FGD3: variants seen among roughly 807,000 people sequenced by gnomAD.
FGD3 encodes the protein FYVE, RhoGEF and PH domain containing 3.
Under a neutral mutation model 71.8 loss-of-function variants are expected in FGD3, and 45 were observed. The observed-to-expected ratio is 0.63, with a 90% CI of 0.49 to 0.80. FGD3 has a LOEUF of 0.80. FGD3 is among the 30% of genes least tolerant of loss of function. The probability of loss-of-function intolerance (pLI) is 0.00; values close to 1 mark genes in which losing one functional copy is unlikely to be tolerated. For synonymous variants in FGD3, 378 were observed against 392.8 expected (o/e 0.96, Z 0.44); for missense variants, 844 against 951.5 (o/e 0.89, Z 1.49).
intron 1 of FGD3, among the ~76,000 whole-genome samples, chr9:92,955,837 A>G (rs138769944): frequency 6.6e-6 from 1 of 152,310 alleles, no homozygotes; most frequent in East Asian, 1.9e-4. Context: ...AATCTTTTGA[A>G]ATTATCTTTC....
intron 1 of FGD3, among the ~76,000 whole-genome samples, chr9:92,959,998 C>CGT (rs1859140230): frequency 6.6e-6 from 1 of 152,034 alleles, no homozygotes; most frequent in African/African-American, 2.4e-5. Context: ...TTCATGTCCC[C>CGT]GTATCCCTCA....
At chr9:92,978,656 C>T (rs1014262550) in intron 3 of FGD3, among the ~76,000 whole-genome samples, 19 of 144,012 alleles carry the variant, frequency 1.3e-4, no homozygotes, top group Non-Finnish European at 2.3e-4. Context: ...GCATGTTACA[C>T]GCACCCTCCC....
At chr9:93,032,591 T>C in intron 15 of FGD3, 178 bp from the exon 16 acceptor site, 1 of 649,638 alleles carries the variant, frequency 1.5e-6, no homozygotes, top group East Asian at 2.7e-5. Flanking sequence ...CCAGCCTTGC[T>C]CTCTGCCCTC....
intron 8 of FGD3, 112 bp from the exon 9 acceptor site, chr9:93,013,740 T>G: frequency 1.5e-6 from 2 of 1,354,434 alleles, no homozygotes; most frequent in Non-Finnish European, 2.1e-6. Context: ...TGTCAGTAGC[T>G]CATTGCCCTC....
intron 8 of FGD3, among the ~76,000 whole-genome samples, chr9:93,011,805 G>A (rs1469941564): frequency 4.0e-5 from 6 of 150,902 alleles, no homozygotes; most frequent in Admixed American, 1.3e-4. Context: ...GCAGTGAGCC[G>A]AGATCGTGCC....
In FGD3 at chr9:92,976,522, A is replaced by G. The variant is rs528463738; in HGVS notation, c.266A>G (p.Asn89Ser). 6.2e-7 allele frequency: 1 copy of G among 1,612,504 alleles called. No homozygotes were observed. The highest frequency in any genetic ancestry group is 8.5e-7 in the Non-Finnish European group (1 of 1,179,782). ...DSPSSSVAGE[N>S]FPCEEGLEAG... ...CCCTCCTCCAGTGTGGCTGGAGAGAACTTTCCCTGCGAGGAGGGCTTGGAG... is the reference window on the plus strand; with the variant it reads ...CCCTCCTCCAGTGTGGCTGGAGAGAGCTTTCCCTGCGAGGAGGGCTTGGAG... Residue 89 changes from asparagine to serine, a missense_variant, in exon 3 of 18, where the codon AAC (asparagine) becomes AGC (serine). Asn to Ser is a conservative substitution (Grantham distance 46, BLOSUM62 1). Transcript: ENST00000375482.
At chr9:92,985,956 C>T (rs1185309954) in intron 3 of FGD3, among the ~76,000 whole-genome samples, 1 of 152,158 alleles carries the variant, frequency 6.6e-6, no homozygotes, top group African/African-American at 2.4e-5. Flanking sequence ...TTGAATAGGG[C>T]ATCCCCCATT....
intron 17 of FGD3, among the ~76,000 whole-genome samples, chr9:93,035,021 C>T (rs746427787): frequency 2.6e-5 from 4 of 152,224 alleles, no homozygotes; most frequent in Non-Finnish European, 5.9e-5. Flanking sequence ...TACTCTGTCA[C>T]AGGGGCTGGC....
chr9:93,021,390 C>T (rs933298738), intron 13 of FGD3, among the ~76,000 whole-genome samples: 1 of 152,126 alleles, frequency 6.6e-6, no homozygotes, highest in South Asian at 2.1e-4. Context: ...GGCCAATCCC[C>T]GGCCATTTCT....
intron 6 of FGD3, among the ~76,000 whole-genome samples, chr9:93,007,686 C>G (rs1861122560): frequency 6.6e-6 from 1 of 152,216 alleles, no homozygotes; most frequent in Non-Finnish European, 1.5e-5. Context: ...AGCCACTGGT[C>G]TGTGCATCCC....
At chr9:93,011,304 G>A in intron 8 of FGD3, 32 bp downstream of exon 8, 3 of 1,613,876 alleles carry the variant, frequency 1.9e-6, no homozygotes, top group Non-Finnish European at 2.5e-6. Context: ...CGACCGGCAG[G>A]GTGGTGCAGC....
At chr9:92,971,386 G>A (rs758272616) in intron 1 of FGD3, among the ~76,000 whole-genome samples, 29 of 151,856 alleles carry the variant, frequency 1.9e-4, no homozygotes, top group Non-Finnish European at 3.4e-4. Flanking sequence ...CTGGGGACCC[G>A]GGCTGCTTGG....
intron 16 of FGD3, chr9:93,033,419 T>A: frequency 5.7e-6 from 1 of 175,370 alleles, no homozygotes; most frequent in Admixed American, 5.7e-5. Context: ...TCCCTCCTCC[T>A]CCTGCTCCTT....
chr9:92,998,011 G>C (rs928540673), intron 3 of FGD3, among the ~76,000 whole-genome samples: 2 of 152,080 alleles, frequency 1.3e-5, no homozygotes, highest in Non-Finnish European at 2.9e-5. Context: ...TTTGAATGTT[G>C]GCCTGCCTCA....
chr9:93,020,911 G>A lies in FGD3; in HGVS notation c.1494+487G>A, dbSNP rs561075767. On this transcript the variant is annotated intron_variant, in intron 13 of 17. Transcript: ENST00000375482. ...GCTGGGCCCCAGGCCCGTGGTCAGC[G>A]CCCAGCTGGGCGGGAAAGCAGGATG... Among the ~76,000 whole-genome samples the A allele has an allele frequency of 1.2e-3, 180 of 152,342 alleles. 1 individual carries two copies. The highest frequency in any genetic ancestry group is 4.1e-3 in the African/African-American group (171 of 41,570).
Position 92,958,468 on chromosome 9 carries a change from C to T in FGD3, c.-218+10739C>T, listed in dbSNP as rs557146917. Among the ~76,000 whole-genome samples the T allele has an allele frequency of 6.6e-5, 10 of 152,330 alleles. No individual in the cohort carries two copies. In the East Asian group the frequency reaches 1.9e-3, roughly 29 times the overall value. ...AATTGATGAACCTGCACTGACACAT[C>T]ATTATCACTTGGAGTCTATATGTGG... On this transcript the variant is annotated intron_variant, in intron 1 of 17. Coordinates refer to ENST00000375482, the MANE Select transcript of FGD3 (RefSeq NM_001083536.2).
intron 3 of FGD3, among the ~76,000 whole-genome samples, chr9:92,984,517 G>A (rs1399585095): frequency 6.6e-6 from 1 of 152,138 alleles, no homozygotes; most frequent in African/African-American, 2.4e-5. Flanking sequence ...GAGATGCCTT[G>A]GTTAGATTTT....
intron 1 of FGD3, among the ~76,000 whole-genome samples, chr9:92,954,946 A>T (rs1011350546): frequency 2.6e-5 from 4 of 152,194 alleles, no homozygotes; most frequent in Admixed American, 1.3e-4. Context: ...GCCTGCATTC[A>T]TGGAACTCAC....
rs1053761244 is a variant in FGD3, at chr9:92,969,858, A to G, written c.-217-5380A>G. Among the ~76,000 whole-genome samples, 2 of 152,206 alleles carry G rather than the reference A, an allele frequency of 1.3e-5. No homozygotes were observed. Among genetic ancestry groups the G allele is most frequent in the African/African-American group, 4.8e-5 (2 of 41,446 alleles). On this transcript the variant is annotated intron_variant, in intron 1 of 17. Coordinates refer to ENST00000375482, the MANE Select transcript of FGD3 (RefSeq NM_001083536.2). The surrounding 1 kb of genome is among the most constrained non-coding windows in gnomAD (Gnocchi z 4.5). ...TCACTGGCTGCTGTGATGGAGACAC[A>G]TGAACAGTTCTAGGACACCCTGGAT...
Sources: gnomAD v4.1 joint callset for allele counts (sites outside exome capture counted in the v4.1 genomes callset) on GRCh38, gnomAD v4.1.1 for gene constraint, Gnocchi (gnomAD v3.1) non-coding constraint, MANE v1.5 for transcripts, NCBI Gene and HGNC (gene_info 2026-07-23, HGNC 2026-07-21) for gene names.